CCSER2: variants seen among roughly 807,000 people sequenced by gnomAD.
CCSER2 encodes the protein coiled-coil serine rich protein 2, also known as serine-rich coiled-coil domain-containing protein 2.
In CCSER2, 46 loss-of-function variants were observed where a neutral mutation model predicts 92.3. The ratio of observed to expected loss-of-function variants is 0.50; its 90% CI spans 0.39 to 0.64. The LOEUF (loss-of-function observed/expected upper bound fraction) is 0.64. Among genes scored for constraint, CCSER2 ranks in the 30% least tolerant of loss-of-function variants. The probability of loss-of-function intolerance (pLI) is 0.00; values close to 1 mark genes in which losing one functional copy is unlikely to be tolerated. For synonymous variants in CCSER2, 433 were observed against 431.4 expected (o/e 1.00, Z -0.04); for missense variants, 1,244 against 1,238.9 (o/e 1.00, Z -0.06).
chr10:84,478,543 T>G (rs1847284699), intron 9 of CCSER2, among the ~76,000 whole-genome samples: 1 of 152,222 alleles, frequency 6.6e-6, no homozygotes, highest in Non-Finnish European at 1.5e-5. Context: ...TTTTGTTTCT[T>G]TTCATCTAAC....
intron 9 of CCSER2, among the ~76,000 whole-genome samples, chr10:84,507,630 A>G (rs866416229): frequency 6.6e-6 from 1 of 152,204 alleles, no homozygotes; most frequent in Non-Finnish European, 1.5e-5. Context: ...TTACTCCATC[A>G]GGACTTGACA....
chr10:84,484,644 A>G (rs764804433), intron 9 of CCSER2, among the ~76,000 whole-genome samples: 2 of 152,172 alleles, frequency 1.3e-5, no homozygotes, highest in African/African-American at 4.8e-5. Context: ...AGTGATATTT[A>G]TGATCTGGTC....
rs545882202 is a variant in CCSER2, at chr10:84,337,442, C to T, written c.-40+8634C>T. 2.6e-5 allele frequency among the ~76,000 whole-genome samples: 4 copies of T among 152,276 alleles called. No homozygotes were observed. In the South Asian group the frequency reaches 8.3e-4, roughly 32 times the overall value. The stretch of plus-strand genomic sequence containing the variant: ...GACTAAGATAAAGCAATATGAAAAT[C>T]ATTGGTGACCTTAACAAGTTGTTTC... On this transcript the variant is annotated intron_variant, in intron 1 of 9. Coordinates refer to ENST00000372088, the MANE Select transcript of CCSER2 (RefSeq NM_001284240.2).
intron 1 of CCSER2, among the ~76,000 whole-genome samples, chr10:84,356,694 C>G (rs1564593761): frequency 6.6e-6 from 1 of 151,902 alleles, no homozygotes; most frequent in Admixed American, 6.6e-5. Context: ...GGTTAGTAAC[C>G]CAATATAGTT....
intron 3 of CCSER2, among the ~76,000 whole-genome samples, chr10:84,415,737 C>G (rs1235786572): frequency 6.6e-6 from 1 of 152,188 alleles, no homozygotes; most frequent in African/African-American, 2.4e-5. Flanking sequence ...TCTGGACTCT[C>G]CTGAGCCAGC....
At chr10:84,344,852 C>T (rs1247530507) in intron 1 of CCSER2, among the ~76,000 whole-genome samples, 2 of 152,162 alleles carry the variant, frequency 1.3e-5, no homozygotes, top group Non-Finnish European at 2.9e-5. Context: ...ATTTTAGCTG[C>T]ACGCACTCAC....
At chr10:84,465,838 C>T (rs1258142478) in intron 7 of CCSER2, among the ~76,000 whole-genome samples, 1 of 152,012 alleles carries the variant, frequency 6.6e-6, no homozygotes, top group Non-Finnish European at 1.5e-5. Context: ...GCAAGCTCAG[C>T]CTCCTGGGTT....
chr10:84,347,400 GA>G lies in CCSER2; in HGVS notation c.-40+18593del, dbSNP rs755162116. ...CTCCCGGACGGGGCGGCTGGCCGGG[GA>G]GGGGGGGTGCTGACCCCCCACCTCC... On this transcript the variant is annotated intron_variant, in intron 1 of 9. Transcript: ENST00000372088. Among the ~76,000 whole-genome samples, 654 of 146,496 alleles carry G rather than the reference GA, an allele frequency of 4.5e-3. 4 individuals are homozygous for G. Among genetic ancestry groups the G allele is most frequent in the Admixed American group, 8.5e-3 (126 of 14,838 alleles).
At chr10:84,499,763 G>T (rs765122456) in intron 9 of CCSER2, 1 of 939,836 alleles carries the variant, frequency 1.1e-6, no homozygotes, top group Non-Finnish European at 1.6e-6. Flanking sequence ...CTGTCTTCTC[G>T]TTAACACTAT....
At chr10:84,447,136 C>T (rs1844972468) in intron 6 of CCSER2, among the ~76,000 whole-genome samples, 1 of 151,524 alleles carries the variant, frequency 6.6e-6, no homozygotes, top group Non-Finnish European at 1.5e-5. Context: ...ATTTCTGAGT[C>T]CTGAAGCATG....
Position 84,343,582 on chromosome 10 carries a change from C to A in CCSER2, c.-40+14774C>A, listed in dbSNP as rs142224085. ...GTGCTTAAACCATGGACTGATTATT[C>A]TGTATCCATTAAAGGTCGATTTCCT... On this transcript the variant is annotated intron_variant, in intron 1 of 9. Coordinates refer to ENST00000372088, the MANE Select transcript of CCSER2 (RefSeq NM_001284240.2). 1.7e-3 allele frequency among the ~76,000 whole-genome samples: 255 copies of A among 152,286 alleles called. 2 individuals carry two copies. Among genetic ancestry groups the A allele is most frequent in the African/African-American group, 5.9e-3 (245 of 41,564 alleles).
chr10:84,335,786 A>G (rs1843805908), intron 1 of CCSER2, among the ~76,000 whole-genome samples: 1 of 152,180 alleles, frequency 6.6e-6, no homozygotes. Context: ...GCTTTCTCTG[A>G]CCATTATCTC....
chr10:84,354,479 T>C (rs1845047053), intron 1 of CCSER2, among the ~76,000 whole-genome samples: 1 of 152,044 alleles, frequency 6.6e-6, no homozygotes, highest in Non-Finnish European at 1.5e-5. Context: ...TCTTCAAAGT[T>C]TCTTGCAAAT....
chr10:84,385,633 G>A (rs571316561), intron 3 of CCSER2, among the ~76,000 whole-genome samples: 14 of 152,204 alleles, frequency 9.2e-5, no homozygotes, highest in Middle Eastern at 3.4e-3. Context: ...ATGTAAGATC[G>A]AAAACTATAA....
chr10:84,486,686 T>C (rs1005082036), intron 9 of CCSER2, among the ~76,000 whole-genome samples: 5 of 152,360 alleles, frequency 3.3e-5, no homozygotes, highest in African/African-American at 1.2e-4. Context: ...TCTCCCCTTC[T>C]GTAGGTTGCC....
At chr10:84,430,966 A>G (rs71487109) in intron 5 of CCSER2, among the ~76,000 whole-genome samples, 3 of 151,746 alleles carry the variant, frequency 2.0e-5, no homozygotes, top group Non-Finnish European at 4.4e-5. Flanking sequence ...TAACTAATAG[A>G]TTTTATTTTT....
intron 1 of CCSER2, among the ~76,000 whole-genome samples, chr10:84,369,113 G>A (rs992790347): frequency 6.7e-6 from 1 of 149,446 alleles, no homozygotes; most frequent in African/African-American, 2.5e-5. Flanking sequence ...TGGCAATTGT[G>A]AATTTTGCTG....
At chr10:84,427,831 C>A (rs1203148492) in intron 5 of CCSER2, among the ~76,000 whole-genome samples, 4 of 152,184 alleles carry the variant, frequency 2.6e-5, no homozygotes, top group Non-Finnish European at 5.9e-5. Flanking sequence ...AGCTCTTTCC[C>A]AAATATACTA....
At chr10:84,349,691 A>G (rs557794312) in intron 1 of CCSER2, among the ~76,000 whole-genome samples, 1 of 152,318 alleles carries the variant, frequency 6.6e-6, no homozygotes, top group South Asian at 2.1e-4. Context: ...TCAAAAAGAA[A>G]GAAAGAAACT....
Sources: gnomAD v4.1 joint callset for allele counts (sites outside exome capture counted in the v4.1 genomes callset) on GRCh38, gnomAD v4.1.1 for gene constraint, MANE v1.5 for transcripts, NCBI Gene and HGNC (gene_info 2026-07-23, HGNC 2026-07-21) for gene names.